Variants in OR3A2 observed in about 807,000 individuals in gnomAD.
OR3A2 encodes olfactory receptor 3A2.
For synonymous variants in OR3A2, 126 were observed against 159.3 expected, an observed-to-expected ratio of 0.79 and a Z score of 1.57; for missense variants, 318 against 392.8, an observed-to-expected ratio of 0.81 and a Z score of 1.61.
chr17:3,338,231 CTCTGATGGT>C (rs1304885840), intron 2 of OR3A2, among the ~76,000 whole-genome samples: 1 of 152,158 alleles, frequency 6.6e-6, no homozygotes, highest in African/African-American at 2.4e-5. Flanking sequence ...TGCCTGTTCA[CTCTGATGGT>C]AGTTTCTTTT....
At chr17:3,373,273 T>C (rs990370473) in intron 2 of OR3A2, among the ~76,000 whole-genome samples, 1 of 152,132 alleles carries the variant, frequency 6.6e-6, no homozygotes, top group Non-Finnish European at 1.5e-5. Flanking sequence ...TATTCTGCAG[T>C]TGTTAGGTAG....
chr17:3,352,030 A>G lies in OR3A2; in HGVS notation c.-178-15904T>C, dbSNP rs200509411. ...TTCCTTACACCTTATACAAAAATCA[A>G]TTCAAGATGGATTGTATGTCTTCTT... On this transcript the variant is annotated intron_variant, in intron 2 of 4. Transcript: ENST00000573491. Among the ~76,000 whole-genome samples the G allele has an allele frequency of 7.2e-5, 11 of 152,194 alleles. No individual in the cohort carries two copies. The East Asian group carries it at 7.7e-4, about 11-fold the overall frequency.
intron 1 of OR3A2, among the ~76,000 whole-genome samples, chr17:3,384,164 AG>A (rs2049760961): frequency 6.6e-6 from 1 of 152,158 alleles, no homozygotes; most frequent in South Asian, 2.1e-4. Context: ...TTCCTGGCAA[AG>A]GGTAGGTGTG....
intron 3 of OR3A2, among the ~76,000 whole-genome samples, chr17:3,314,478 T>C (rs537341953): frequency 3.0e-4 from 44 of 147,204 alleles, no homozygotes; most frequent in Non-Finnish European, 5.2e-4. Context: ...TATGACTAAA[T>C]TGAGAAAGTG....
chr17:3,345,698 T>G (rs1488685), intron 2 of OR3A2, among the ~76,000 whole-genome samples: 1,713 of 152,032 alleles, frequency 0.011, 16 homozygotes, highest in Middle Eastern at 0.044. Context: ...TAATAGGAGA[T>G]AAATGAATTT....
chr17:3,292,604 CAGGG>C, intron 3 of OR3A2: 1 of 1,557,278 alleles, frequency 6.4e-7, no homozygotes, highest in Middle Eastern at 1.8e-4. Context: ...AAGAAACATC[CAGGG>C]AGGAAAAGAA....
intron 2 of OR3A2, among the ~76,000 whole-genome samples, chr17:3,380,748 GGA>G (rs1291624281): frequency 6.6e-6 from 1 of 152,152 alleles, no homozygotes; most frequent in Non-Finnish European, 1.5e-5. Flanking sequence ...GGCTGGCCAA[GGA>G]GAGACTGGAT....
At chr17:3,358,463 C>G (rs1404016211) in intron 2 of OR3A2, among the ~76,000 whole-genome samples, 1 of 151,662 alleles carries the variant, frequency 6.6e-6, no homozygotes, top group African/African-American at 2.4e-5. Flanking sequence ...CCCAGAAATT[C>G]TGCTATGTTG....
At chr17:3,292,112 G>T (rs754107670) in intron 3 of OR3A2, 59 of 1,614,054 alleles carry the variant, frequency 3.7e-5, no homozygotes, top group Non-Finnish European at 4.9e-5. Flanking sequence ...TCAGTGCGTT[G>T]GTGAAAGCAC....
intron 2 of OR3A2, among the ~76,000 whole-genome samples, chr17:3,337,193 G>T (rs1290382922): frequency 6.6e-6 from 1 of 152,194 alleles, no homozygotes; most frequent in South Asian, 2.1e-4. Flanking sequence ...CATTTTAAGG[G>T]TACAGTTCAG....
chr17:3,362,789 A>T (rs187243265), intron 2 of OR3A2, among the ~76,000 whole-genome samples: 2 of 151,854 alleles, frequency 1.3e-5, no homozygotes, highest in Non-Finnish European at 2.9e-5. Context: ...GGACATCCAG[A>T]TGTTTCCATA....
intron 2 of OR3A2, among the ~76,000 whole-genome samples, chr17:3,376,265 C>T (rs73979548): frequency 0.097 from 14,689 of 152,198 alleles, 1,208 homozygotes; most frequent in East Asian, 0.49. Flanking sequence ...GCACCAGCTA[C>T]GATAGTAGAA....
exon 2 of OR3A2, chr17:3,278,517 G>A (rs371474409): frequency 1.8e-4 from 285 of 1,613,908 alleles, no homozygotes; most frequent in Non-Finnish European, 2.3e-4. Flanking sequence ...GGTGCTGTAG[G>A]TGAGGGGCTG....
intron 3 of OR3A2, among the ~76,000 whole-genome samples, chr17:3,295,215 A>ATTT (rs2048909960): frequency 6.6e-6 from 1 of 152,158 alleles, no homozygotes; most frequent in South Asian, 2.1e-4. Flanking sequence ...CTATAGCTGA[A>ATTT]TGTTAAAAGA....
intron 3 of OR3A2, among the ~76,000 whole-genome samples, chr17:3,296,615 T>C (rs1432877278): frequency 6.6e-6 from 1 of 152,090 alleles, no homozygotes; most frequent in African/African-American, 2.4e-5. Flanking sequence ...TAATCACAAT[T>C]ACATTAAAAG....
chr17:3,360,959 T>G (rs569387307), intron 2 of OR3A2, among the ~76,000 whole-genome samples: 3 of 151,582 alleles, frequency 2.0e-5, no homozygotes, highest in African/African-American at 4.9e-5. Flanking sequence ...GTGAAGAAAG[T>G]CATTGGTAGC....
intron 3 of OR3A2, chr17:3,291,803 A>C (rs1250554358): frequency 1.9e-6 from 3 of 1,613,828 alleles, no homozygotes; most frequent in Non-Finnish European, 2.5e-6. Context: ...GCATATAGTT[A>C]AAGATACCTG....
At chr17:3,279,276 A>C (rs761013137) in intron 1 of OR3A2, 123 bp from the exon 4 acceptor site, 28 of 320,706 alleles carry the variant, frequency 8.7e-5, no homozygotes, top group Middle Eastern at 1.9e-3. Flanking sequence ...TGAATATGTT[A>C]ATTTGTTTCA....
intron 2 of OR3A2, among the ~76,000 whole-genome samples, chr17:3,352,004 C>A (rs1423859783): frequency 6.6e-6 from 1 of 152,098 alleles, no homozygotes; most frequent in Non-Finnish European, 1.5e-5. Context: ...AACTGGATCC[C>A]TTCCTTACAC....
Sources: allele counts gnomAD v4.1 joint callset (sites outside exome capture counted in the v4.1 genomes callset), GRCh38; gene constraint gnomAD v4.1.1; transcripts MANE v1.5; gene names NCBI Gene and HGNC (gene_info 2026-07-23, HGNC 2026-07-21).